Variants in PRORP observed in about 807,000 individuals in gnomAD.
PRORP encodes the protein mitochondrial ribonuclease P catalytic subunit.
PRORP carries 51 observed loss-of-function variants against 59.4 expected under a neutral mutation model. The observed-to-expected ratio is 0.86, with a 90% CI of 0.69 to 1.08. PRORP has a LOEUF of 1.08. Among genes scored for constraint, PRORP ranks in the 50% least tolerant of loss-of-function variants. The pLI, the probability that PRORP is intolerant of heterozygous loss-of-function variation, is 0.00. For missense variants in PRORP, 646 were observed against 690.3 expected (o/e 0.94, Z 0.72); for synonymous variants, 231 against 245.6 (o/e 0.94, Z 0.55).
At chr14:35,237,779 C>T (rs1375826627) in intron 5 of PRORP, among the ~76,000 whole-genome samples, 1 of 152,114 alleles carries the variant, frequency 6.6e-6, no homozygotes, top group Admixed American at 6.5e-5. Flanking sequence ...CTGCCTCAGC[C>T]TCCGCTGGGA....
chr14:35,122,002 C>T, upstream of PRORP: 1 of 1,608,720 alleles, frequency 6.2e-7, no homozygotes, highest in Non-Finnish European at 8.5e-7. Context: ...CTGTTTCCTA[C>T]CTGCTCCACC....
chr14:35,153,027 G>A (rs1003799557), intron 4 of PRORP, among the ~76,000 whole-genome samples: 1 of 152,238 alleles, frequency 6.6e-6, no homozygotes, highest in Non-Finnish European at 1.5e-5. Flanking sequence ...CACTTTGGGA[G>A]GCCAAGGCAG....
intron 4 of PRORP, among the ~76,000 whole-genome samples, chr14:35,175,827 C>G (rs1381699822): frequency 6.6e-6 from 1 of 152,126 alleles, no homozygotes; most frequent in Non-Finnish European, 1.5e-5. Context: ...TGCCTATGTC[C>G]TGAATGGTAT....
At chr14:35,242,223 A>T (rs1347971887) in intron 5 of PRORP, among the ~76,000 whole-genome samples, 1 of 152,226 alleles carries the variant, frequency 6.6e-6, no homozygotes, top group African/African-American at 2.4e-5. Flanking sequence ...AGTACCTATC[A>T]TATGTAGACA....
intron 4 of PRORP, among the ~76,000 whole-genome samples, chr14:35,159,980 C>A (rs1206176240): frequency 6.6e-6 from 1 of 152,192 alleles, no homozygotes; most frequent in African/African-American, 2.4e-5. Flanking sequence ...GTGTGCAAAC[C>A]TGGATTCGTA....
chr14:35,123,725 T>G lies in PRORP; in HGVS notation c.480T>G (p.Ser160=). Residue 160 remains serine (S), a synonymous_variant, in exon 2 of 8, where the codon TCT becomes TCG. Transcript: ENST00000534898. ...ATAGCTCTATAGATGTGGCTAAATC[T>G]CTGCTGGCATGGGTAGCAGCCAAAA... ...GCHSSIDVAK[S]LLAWVAAKNN... 1.9e-6 allele frequency: 3 copies of G among 1,614,262 alleles called. No individual in the cohort carries two copies. Among genetic ancestry groups the G allele is most frequent in the South Asian group, 1.1e-5 (1 of 91,092 alleles).
intron 4 of PRORP, among the ~76,000 whole-genome samples, chr14:35,166,274 AT>A (rs1396855265): frequency 6.6e-6 from 1 of 150,888 alleles, no homozygotes; most frequent in African/African-American, 2.4e-5. Flanking sequence ...CTGCTGTTGC[AT>A]TTTTTTTCAT....
intron 5 of PRORP, among the ~76,000 whole-genome samples, chr14:35,191,291 C>T (rs1028248686): frequency 9.2e-5 from 14 of 152,144 alleles, no homozygotes; most frequent in Non-Finnish European, 1.3e-4. Flanking sequence ...TCTTGCCCAC[C>T]GCCATGTAAG....
intron 5 of PRORP, among the ~76,000 whole-genome samples, chr14:35,201,742 T>G (rs890351851): frequency 2.6e-5 from 4 of 151,400 alleles, no homozygotes; most frequent in African/African-American, 9.7e-5. Flanking sequence ...CACTGCAACC[T>G]CCGCCTCCCA....
chr14:35,187,402 A>T (rs2048766522), intron 5 of PRORP, among the ~76,000 whole-genome samples: 1 of 149,114 alleles, frequency 6.7e-6, no homozygotes, highest in Admixed American at 6.8e-5. Context: ...TAAGAAATGC[A>T]GGACCTGGTA....
At chr14:35,184,062 C>T (rs1240151642) in intron 5 of PRORP, among the ~76,000 whole-genome samples, 1 of 151,918 alleles carries the variant, frequency 6.6e-6, no homozygotes, top group Non-Finnish European at 1.5e-5. Flanking sequence ...TATTTATGCT[C>T]TTCCTATAAA....
chr14:35,138,426 A>G (rs2047417882), intron 4 of PRORP, among the ~76,000 whole-genome samples: 1 of 145,704 alleles, frequency 6.9e-6, no homozygotes, highest in African/African-American at 2.4e-5. Flanking sequence ...ATTTTGTGTT[A>G]GGAACATTAG....
chr14:35,227,826 G>A (rs17103114), intron 5 of PRORP, among the ~76,000 whole-genome samples: 9 of 151,626 alleles, frequency 5.9e-5, no homozygotes, highest in Admixed American at 6.6e-5. Flanking sequence ...GCACAAGCCC[G>A]CAGAAATACG....
intron 2 of PRORP, among the ~76,000 whole-genome samples, chr14:35,125,067 G>C (rs79117736): frequency 1.3e-5 from 2 of 152,046 alleles, no homozygotes; most frequent in East Asian, 3.9e-4. Flanking sequence ...GTTTCTCTAT[G>C]TTGGTCAGGC....
At chr14:35,188,941 TA>T (rs748540239) in intron 5 of PRORP, among the ~76,000 whole-genome samples, 41 of 47,500 alleles carry the variant, frequency 8.6e-4, no homozygotes, top group Admixed American at 1.3e-3. Flanking sequence ...AGACTCTGTC[TA>T]AAAAAAAAAA....
At chr14:35,200,667 G>A (rs538224364) in intron 5 of PRORP, among the ~76,000 whole-genome samples, 1 of 151,114 alleles carries the variant, frequency 6.6e-6, no homozygotes, top group African/African-American at 2.4e-5. Flanking sequence ...TTATATATAT[G>A]TTATATATAT....
chr14:35,236,796 T>C (rs1181589205), intron 5 of PRORP, among the ~76,000 whole-genome samples: 1 of 152,144 alleles, frequency 6.6e-6, no homozygotes, highest in Admixed American at 6.6e-5. Context: ...AACTAAATAC[T>C]GTATGTCCAA....
chr14:35,231,164 G>A (rs1002894144), intron 5 of PRORP, among the ~76,000 whole-genome samples: 13 of 152,052 alleles, frequency 8.5e-5, no homozygotes, highest in African/African-American at 3.1e-4. Flanking sequence ...TGAAGTTCAA[G>A]GTTTACTACC....
Position 35,270,458 on chromosome 14 carries a change from G to A in PRORP, c.1482G>A (p.Arg494=). 1.2e-6 allele frequency: 2 copies of A among 1,614,130 alleles called. No individual in the cohort carries two copies. Among genetic ancestry groups the A allele is most frequent in the Non-Finnish European group, 1.7e-6 (2 of 1,180,022 alleles). The change falls in exon 7 of 8, where the codon AGG becomes AGA. Residue 494 remains arginine (R), a synonymous_variant. Coordinates refer to ENST00000534898, the MANE Select transcript of PRORP (RefSeq NM_014672.4). ...CACTGCACTCCGGGAATCACTGCAGGTTTATCACAAGAGACCTGATGCGGG... is the reference window on the plus strand; with the variant it reads ...CACTGCACTCCGGGAATCACTGCAGATTTATCACAAGAGACCTGATGCGGG... The part of the protein sequence containing the change: ...YATLHSGNHC[R]FITRDLMRDH...
Sources: gnomAD v4.1 joint callset for allele counts (sites outside exome capture counted in the v4.1 genomes callset) on GRCh38, gnomAD v4.1.1 for gene constraint, MANE v1.5 for transcripts, NCBI Gene and HGNC (gene_info 2026-07-23, HGNC 2026-07-21) for gene names.